The following TOP1MT variants were observed in gnomAD, a reference collection of about 807,000 sequenced individuals.
TOP1MT encodes the protein DNA topoisomerase I mitochondrial, also known as DNA topoisomerase I, mitochondrial.
In TOP1MT, 80 loss-of-function variants were observed where a neutral mutation model predicts 73.9. The ratio of observed to expected loss-of-function variants is 1.08; its 90% CI spans 0.90 to 1.30. The LOEUF (loss-of-function observed/expected upper bound fraction) is 1.30. Among genes scored for constraint, TOP1MT ranks in the 50% most tolerant of loss-of-function variants. The pLI is 0.00. For synonymous variants in TOP1MT, 338 were observed against 326.4 expected (o/e 1.04, Z -0.38); for missense variants, 815 against 808.0 (o/e 1.01, Z -0.10).
chr8:143,328,302 G>T (rs921883903), intron 3 of TOP1MT: 1 of 454,806 alleles, frequency 2.2e-6, no homozygotes, highest in East Asian at 6.9e-5. Flanking sequence ...CAGCATGTGC[G>T]TCTGGCAAAG....
chr8:143,327,753 G>A (rs979404848), intron 3 of TOP1MT: 1 of 381,538 alleles, frequency 2.6e-6, no homozygotes, highest in Non-Finnish European at 5.2e-6. Context: ...AGGCAGAGGG[G>A]TGGCATCAGG....
chr8:143,359,165 G>T, upstream of TOP1MT: 1 of 944,524 alleles, frequency 1.1e-6, no homozygotes, highest in Non-Finnish European at 1.3e-6. Context: ...TTTGAATGCT[G>T]CATAGAGACT....
chr8:143,339,543 ACACT>A (rs1025050690), upstream of TOP1MT, among the ~76,000 whole-genome samples: 24 of 152,076 alleles, frequency 1.6e-4, no homozygotes, highest in African/African-American at 5.8e-4. Flanking sequence ...CACACAGCAA[ACACT>A]CACTTACTGC....
chr8:143,348,169 C>A (rs1376230567), upstream of TOP1MT, among the ~76,000 whole-genome samples: 1 of 152,198 alleles, frequency 6.6e-6, no homozygotes, highest in Non-Finnish European at 1.5e-5. The surrounding 1 kb of genome is among the most constrained non-coding windows in gnomAD (Gnocchi z 4.6). Flanking sequence ...TAAACCCAGG[C>A]CCGCCCCATC....
At chr8:143,353,483 G>A (rs529980008) in intron 1 of TOP1MT, among the ~76,000 whole-genome samples, 21 of 151,486 alleles carry the variant, frequency 1.4e-4, no homozygotes, top group Middle Eastern at 3.5e-3. Flanking sequence ...ACAAATGGCC[G>A]ATAAACACAT....
intron 1 of TOP1MT, among the ~76,000 whole-genome samples, chr8:143,350,684 C>T (rs1226268757): frequency 6.6e-6 from 1 of 152,250 alleles, no homozygotes; most frequent in East Asian, 1.9e-4. Context: ...CCACGGAGTG[C>T]TCAAATTCCC....
At chr8:143,321,468 ACACGCACGCCACACG>A in intron 7 of TOP1MT, 82 bp from the exon 8 acceptor site, 1 of 1,144,042 alleles carries the variant, frequency 8.7e-7, no homozygotes, top group Non-Finnish European at 1.2e-6. Flanking sequence ...CGCACGCCAC[ACACGCACGCCACACG>A]CACGCCACAC....
At chr8:143,335,016 C>T (rs902273276), upstream of TOP1MT, 3 of 766,008 alleles carry the variant, frequency 3.9e-6, no homozygotes, top group East Asian at 1.4e-4. Context: ...GGGGCTGCGG[C>T]AGCAGGACCA....
intron 7 of TOP1MT, among the ~76,000 whole-genome samples, chr8:143,321,620 CGCACGCCACACACAG>C (rs1157888705): frequency 5.5e-5 from 3 of 54,090 alleles, no homozygotes; most frequent in East Asian, 8.2e-4. Context: ...GCACGCCACA[CGCACGCCACACACAG>C]GCACGCCACA....
At chr8:143,356,583 T>C (rs1367990011), upstream of TOP1MT, among the ~76,000 whole-genome samples, 12 of 128,046 alleles carry the variant, frequency 9.4e-5, no homozygotes, top group African/African-American at 2.4e-4. Context: ...GTCAGGAGTT[T>C]GAGACCAGCC....
chr8:143,309,693 C>G, intron 13 of TOP1MT, 150 bp from the exon 14 acceptor site: 2 of 1,514,894 alleles, frequency 1.3e-6, no homozygotes, highest in Non-Finnish European at 1.8e-6. Flanking sequence ...AGGCCAACCC[C>G]ACCCCACGCA....
intron 3 of TOP1MT, 141 bp from the exon 4 acceptor site, chr8:143,326,485 T>G: frequency 4.5e-6 from 5 of 1,103,166 alleles, no homozygotes; most frequent in Non-Finnish European, 6.5e-6. Flanking sequence ...CTGCGCACGG[T>G]CCTGCGGCCC....
At chr8:143,318,295 G>A (rs1244447566) in intron 8 of TOP1MT, among the ~76,000 whole-genome samples, 4 of 152,188 alleles carry the variant, frequency 2.6e-5, no homozygotes, top group Non-Finnish European at 5.9e-5. Context: ...CACAGGCAGC[G>A]TGCTCAGGAG....
chr8:143,347,444 C>T (rs1375005754), upstream of TOP1MT, among the ~76,000 whole-genome samples: 2 of 152,256 alleles, frequency 1.3e-5, no homozygotes, highest in South Asian at 2.1e-4. Context: ...CATGAGCCAC[C>T]GCACCCAGCT....
chr8:143,339,839 C>CCCCGTCCCAGCACTGGTCTACACAGCATT, upstream of TOP1MT, among the ~76,000 whole-genome samples: 1 of 150,754 alleles, frequency 6.6e-6, no homozygotes, highest in African/African-American at 2.5e-5. Context: ...ACAGCATTCC[C>CCCCGTCCCAGCACTGGTCTACACAGCATT]CCCGTCCCAG....
In TOP1MT at chr8:143,342,073, CTGT is replaced by C. The variant is rs1264636346; in HGVS notation, c.29+1144_29+1146del. 4.9e-4 allele frequency among the ~76,000 whole-genome samples: 60 copies of C among 122,972 alleles called. 3 individuals are homozygous for C. The highest frequency in any genetic ancestry group is 2.6e-3 in the Admixed American group (36 of 13,588). The allele number at this position is 122,972 out of a possible 152,430, so 80.7% of individuals were successfully genotyped here. ...TTATTATTAGAGACAGAGTCTCGCT[CTGT>C]TATTATTATTATTAGAGTCTCGCTC... On this transcript the variant is annotated intron_variant, in intron 2 of 5. Transcript: ENST00000518007.
At chr8:143,310,827 C>A (rs1203570318) in intron 12 of TOP1MT, among the ~76,000 whole-genome samples, 1 of 152,350 alleles carries the variant, frequency 6.6e-6, no homozygotes, top group East Asian at 1.9e-4. Context: ...GCCTTCCCAG[C>A]ATGAGCCACA....
chr8:143,337,090 G>A (rs1049115922), upstream of TOP1MT, among the ~76,000 whole-genome samples: 15 of 152,282 alleles, frequency 9.9e-5, no homozygotes, highest in East Asian at 2.9e-3. Context: ...CTAAATAAAT[G>A]AGCAGCCATC....
intron 7 of TOP1MT, among the ~76,000 whole-genome samples, chr8:143,321,970 T>G (rs1360639582): frequency 7.7e-5 from 1 of 13,002 alleles, no homozygotes; most frequent in African/African-American, 2.3e-4. Flanking sequence ...ACACACATGC[T>G]CACCACACGC....
Sources: gnomAD v4.1 joint callset for allele counts (sites outside exome capture counted in the v4.1 genomes callset) on GRCh38, gnomAD v4.1.1 for gene constraint, Gnocchi (gnomAD v3.1) non-coding constraint, MANE v1.5 for transcripts, NCBI Gene and HGNC (gene_info 2026-07-23, HGNC 2026-07-21) for gene names.